Variants in CLDN14 observed in about 807,000 individuals in gnomAD.
CLDN14 encodes the protein claudin-14.
CLDN14 carries 2 observed loss-of-function variants against 2.1 expected under a neutral mutation model. The ratio of observed to expected loss-of-function variants is 0.96; its 90% CI spans 0.39 to 3.01. CLDN14 has a LOEUF of 3.01. CLDN14 is among the 30% of genes most tolerant of loss of function. CLDN14 has a pLI of 0.09. For missense variants in CLDN14, 298 were observed against 328.0 expected, an observed-to-expected ratio of 0.91 and a Z score of 0.71; for synonymous variants, 136 against 154.4, an observed-to-expected ratio of 0.88 and a Z score of 0.88.
chr21:36,537,041 T>C (rs191734561), intron 1 of CLDN14, among the ~76,000 whole-genome samples: 26 of 152,154 alleles, frequency 1.7e-4, no homozygotes, highest in Non-Finnish European at 2.8e-4. Flanking sequence ...AAATACAAAA[T>C]TAGCTGGGTG....
intron 1 of CLDN14, among the ~76,000 whole-genome samples, chr21:36,559,242 C>T (rs1405063349): frequency 6.6e-6 from 1 of 152,076 alleles, no homozygotes; most frequent in African/African-American, 2.4e-5. Context: ...GCTCTTGTCG[C>T]CCAGGCTGGA....
intron 1 of CLDN14, among the ~76,000 whole-genome samples, chr21:36,469,492 G>A (rs1373311486): frequency 6.6e-6 from 1 of 152,168 alleles, no homozygotes; most frequent in African/African-American, 2.4e-5. Context: ...GCTTGCTATT[G>A]TTATTTAGGA....
At chr21:36,524,330 C>A (rs1264549447) in intron 1 of CLDN14, among the ~76,000 whole-genome samples, 1 of 152,168 alleles carries the variant, frequency 6.6e-6, no homozygotes, top group African/African-American at 2.4e-5. Context: ...CTATGTTACC[C>A]AGGCTGGTCA....
At chr21:36,484,563 C>A (rs1428375574), upstream of CLDN14, among the ~76,000 whole-genome samples, 9 of 152,160 alleles carry the variant, frequency 5.9e-5, no homozygotes, top group Admixed American at 3.3e-4. Flanking sequence ...TGGTGGCCAG[C>A]AATCCTTGGC....
At chr21:36,471,956 A>G (rs772812616) in intron 1 of CLDN14, among the ~76,000 whole-genome samples, 5 of 152,258 alleles carry the variant, frequency 3.3e-5, no homozygotes, top group Admixed American at 3.3e-4. Context: ...CAGGTGCTCC[A>G]AAGCAGTTAG....
chr21:36,466,168 G>A (rs113829974), intron 1 of CLDN14, among the ~76,000 whole-genome samples: 5 of 152,118 alleles, frequency 3.3e-5, no homozygotes, highest in South Asian at 2.1e-4. Flanking sequence ...GGCAGCATCC[G>A]CTAAACTTAT....
At chr21:36,527,247 C>T (rs1312295338) in intron 1 of CLDN14, among the ~76,000 whole-genome samples, 6 of 152,132 alleles carry the variant, frequency 3.9e-5, no homozygotes, top group Admixed American at 2.0e-4. Flanking sequence ...TTCTCACCAC[C>T]GTCTTTTGAT....
chr21:36,573,764 ATGCCAG>A (rs1489218953), intron 1 of CLDN14, among the ~76,000 whole-genome samples: 1 of 152,206 alleles, frequency 6.6e-6, no homozygotes, highest in Non-Finnish European at 1.5e-5. Flanking sequence ...ATATTTCTAT[ATGCCAG>A]TAACAAACAC....
intron 1 of CLDN14, among the ~76,000 whole-genome samples, chr21:36,563,743 G>A (rs1365406211): frequency 6.6e-6 from 1 of 152,158 alleles, no homozygotes; most frequent in African/African-American, 2.4e-5. Flanking sequence ...CGAAAGACAC[G>A]TGGAGCCTTT....
rs2000544 is a variant in CLDN14, at chr21:36,499,818, T to A, written c.-82+10545A>T. 0.57 allele frequency among the ~76,000 whole-genome samples: 86,289 copies of A among 151,790 alleles called. 24,911 individuals are homozygous for A. The highest frequency in any genetic ancestry group is 0.63 in the Non-Finnish European group (42,884 of 67,940). ...GATTTATTGCTCCTTAGATGATCAATGCTGCCCCCAGGGCTGCTGTCATCT... is the reference window on the plus strand; with the variant it reads ...GATTTATTGCTCCTTAGATGATCAAAGCTGCCCCCAGGGCTGCTGTCATCT... On this transcript the variant is annotated intron_variant, in intron 2 of 2. Transcript: ENST00000342108. The surrounding 1 kb of genome is among the most constrained non-coding windows in gnomAD (Gnocchi z 4.7).
intron 1 of CLDN14, among the ~76,000 whole-genome samples, chr21:36,523,450 G>A (rs1010270080): frequency 6.6e-6 from 1 of 152,036 alleles, no homozygotes; most frequent in Non-Finnish European, 1.5e-5. Flanking sequence ...CCCAGTTTAG[G>A]TAGAAAGTGG....
intron 1 of CLDN14, among the ~76,000 whole-genome samples, chr21:36,553,948 T>C (rs2087580487): frequency 6.6e-6 from 1 of 152,180 alleles, no homozygotes; most frequent in South Asian, 2.1e-4. Context: ...CTATGGCGAA[T>C]ATAGCGTCCT....
chr21:36,480,173 A>G (rs2086829982), upstream of CLDN14: 1 of 152,274 alleles, frequency 6.6e-6, no homozygotes, highest in South Asian at 2.1e-4. Context: ...CCCTAGATGC[A>G]TGCTGGTCGA....
chr21:36,525,292 G>T (rs1217659536), intron 1 of CLDN14, among the ~76,000 whole-genome samples: 1 of 152,132 alleles, frequency 6.6e-6, no homozygotes, highest in Non-Finnish European at 1.5e-5. Flanking sequence ...GGGACTCTGG[G>T]GCAGGAGGGA....
chr21:36,556,714 C>T (rs905460871), intron 1 of CLDN14, among the ~76,000 whole-genome samples: 1 of 152,328 alleles, frequency 6.6e-6, no homozygotes, highest in African/African-American at 2.4e-5. Flanking sequence ...TGAAAAGTCT[C>T]AACCAATGGA....
At chr21:36,500,766 A>G (rs2087085675) in intron 2 of CLDN14, among the ~76,000 whole-genome samples, 1 of 152,184 alleles carries the variant, frequency 6.6e-6, no homozygotes, top group Admixed American at 6.5e-5. Context: ...TCTTTCTTAC[A>G]TATTTTCTTT....
intron 1 of CLDN14, among the ~76,000 whole-genome samples, chr21:36,466,646 A>C (rs1248484699): frequency 6.6e-6 from 1 of 152,212 alleles, no homozygotes; most frequent in East Asian, 1.9e-4. Context: ...GGATGGGGAC[A>C]CAGACAAACC....
At position 36,461,741 on chromosome 21, in the gene CLDN14, C is replaced by CG. The variant is rs1568839895; in HGVS notation, c.-47dup. The CG allele has an allele frequency of 2.6e-6, 4 of 1,539,972 alleles. No homozygotes were observed. The highest frequency in any genetic ancestry group is 2.4e-5 in the East Asian group (1 of 40,820). On this transcript the variant is annotated 5_prime_UTR_variant, in exon 2 of 2. It removes the in-frame stop codon of an upstream open reading frame in the 5' UTR. Transcript: ENST00000399135. Reference sequence around the variant, plus strand: ...CCAGCCGGGCAGCTCCCTGGGCCCTCGGGGTCACGCCGCTCCTCAGGTGCC... The same window carrying CG: ...CCAGCCGGGCAGCTCCCTGGGCCCTCGGGGGTCACGCCGCTCCTCAGGTGCC...
chr21:36,561,147 C>A (rs1410358805), intron 1 of CLDN14, among the ~76,000 whole-genome samples: 1 of 152,078 alleles, frequency 6.6e-6, no homozygotes, highest in Non-Finnish European at 1.5e-5. Flanking sequence ...ATCCTCAGAC[C>A]CACTCTGAGT....
Sources: gnomAD v4.1 joint callset for allele counts (sites outside exome capture counted in the v4.1 genomes callset) on GRCh38, gnomAD v4.1.1 for gene constraint, Gnocchi (gnomAD v3.1) non-coding constraint, MANE v1.5 for transcripts, NCBI Gene and HGNC (gene_info 2026-07-23, HGNC 2026-07-21) for gene names.